The following RPS6KA5 variants were observed in gnomAD, a reference collection of about 807,000 sequenced individuals.
RPS6KA5 encodes ribosomal protein S6 kinase alpha-5.
RPS6KA5 carries 27 observed loss-of-function variants against 85.5 expected under a neutral mutation model. The ratio of observed to expected loss-of-function variants is 0.32; its 90% CI spans 0.23 to 0.44. RPS6KA5 has a LOEUF of 0.44. RPS6KA5 is among the 20% of genes least tolerant of loss of function. The probability of loss-of-function intolerance (pLI) is 1.00; values close to 1 mark genes in which losing one functional copy is unlikely to be tolerated. For synonymous variants in RPS6KA5, 334 were observed against 348.2 expected, an observed-to-expected ratio of 0.96 and a Z score of 0.46; for missense variants, 811 against 980.9, an observed-to-expected ratio of 0.83 and a Z score of 2.31.
In RPS6KA5 at chr14:90,980,179, C is replaced by A. The variant is rs74086814; in HGVS notation, c.176-1655G>T. Among the ~76,000 whole-genome samples the A allele has an allele frequency of 8.0e-3, 1,219 of 152,202 alleles. 10 individuals carry two copies. The highest frequency in any genetic ancestry group is 0.028 in the African/African-American group (1,145 of 41,526). Reference sequence around the variant, plus strand: ...AAAAAAATGTTTATCTATTCAGAAGCAACAAAATGAAGCTAGAAAATATTA... The same window carrying A: ...AAAAAAATGTTTATCTATTCAGAAGAAACAAAATGAAGCTAGAAAATATTA... On this transcript the variant is annotated intron_variant, in intron 2 of 16. Transcript: ENST00000614987.
intron 3 of RPS6KA5, among the ~76,000 whole-genome samples, chr14:90,978,101 G>C (rs2039643909): frequency 6.6e-6 from 1 of 152,042 alleles, no homozygotes; most frequent in Non-Finnish European, 1.5e-5. Context: ...TGGAATAGAA[G>C]GAGGTAAATT....
At chr14:91,021,687 A>G (rs572107117) in intron 1 of RPS6KA5, among the ~76,000 whole-genome samples, 2 of 152,334 alleles carry the variant, frequency 1.3e-5, no homozygotes, top group East Asian at 3.9e-4. Context: ...TGCTGGGATT[A>G]CAGGCATGAG....
chr14:91,026,513 A>G (rs1489993709), intron 1 of RPS6KA5, among the ~76,000 whole-genome samples: 2 of 152,214 alleles, frequency 1.3e-5, no homozygotes, highest in Non-Finnish European at 2.9e-5. Context: ...TACAGGCATG[A>G]GCCACCATGC....
At chr14:90,899,855 C>A (rs2035061513) in intron 11 of RPS6KA5, among the ~76,000 whole-genome samples, 2 of 152,270 alleles carry the variant, frequency 1.3e-5, no homozygotes, top group South Asian at 4.1e-4. Context: ...AAATATGTCA[C>A]TGTCACAAAG....
At chr14:90,874,368 G>A (rs1247526736) in intron 15 of RPS6KA5, among the ~76,000 whole-genome samples, 1 of 152,208 alleles carries the variant, frequency 6.6e-6, no homozygotes, top group African/African-American at 2.4e-5. Flanking sequence ...GATGAATCCT[G>A]TAGGATAAGG....
At chr14:90,980,550 C>CA (rs1264612316) in intron 2 of RPS6KA5, among the ~76,000 whole-genome samples, 1 of 152,188 alleles carries the variant, frequency 6.6e-6, no homozygotes, top group Non-Finnish European at 1.5e-5. Context: ...GATATAAACT[C>CA]ATTCGATTCT....
intron 1 of RPS6KA5, among the ~76,000 whole-genome samples, chr14:91,021,430 C>A (rs2041776693): frequency 6.6e-6 from 1 of 152,046 alleles, no homozygotes; most frequent in Admixed American, 6.6e-5. Flanking sequence ...TGCTTGAGCC[C>A]AGGAGTTCAA....
intron 1 of RPS6KA5, chr14:91,052,284 C>T (rs1205698447): frequency 4.8e-6 from 1 of 206,546 alleles, no homozygotes; most frequent in Non-Finnish European, 8.4e-6. Flanking sequence ...CCCATCTCTA[C>T]TAAAAAAAAA....
intron 5 of RPS6KA5, among the ~76,000 whole-genome samples, chr14:90,933,607 C>G (rs1441090495): frequency 1.3e-5 from 2 of 152,172 alleles, no homozygotes; most frequent in Non-Finnish European, 2.9e-5. Flanking sequence ...CCACACTTGT[C>G]CCACTACAGG....
At chr14:90,934,269 C>T (rs1263950979) in intron 5 of RPS6KA5, among the ~76,000 whole-genome samples, 1 of 152,064 alleles carries the variant, frequency 6.6e-6, no homozygotes, top group Non-Finnish European at 1.5e-5. Flanking sequence ...ATTTTCATAA[C>T]TGAAAATGTG....
chr14:91,011,515 A>T (rs1429171630), intron 1 of RPS6KA5, among the ~76,000 whole-genome samples: 1 of 152,068 alleles, frequency 6.6e-6, no homozygotes, highest in East Asian at 1.9e-4. Context: ...TAAAAAACAG[A>T]ATTCTAAATT....
At chr14:91,001,049 C>T (rs762198493) in intron 2 of RPS6KA5, 39 bp downstream of exon 2, 2 of 1,057,606 alleles carry the variant, frequency 1.9e-6, no homozygotes, top group African/African-American at 1.6e-5. Context: ...ATAATAAGTA[C>T]TTTTTTTTTT....
chr14:90,872,207 G>A lies in RPS6KA5; in HGVS notation c.2276C>T (p.Ser759Phe). 6.2e-7 allele frequency: 1 copy of A among 1,613,932 alleles called. No homozygotes were observed. Among genetic ancestry groups the A allele is most frequent in the Non-Finnish European group, 8.5e-7 (1 of 1,179,998 alleles). ...TSTSTETRSS[S>F]SESSHSSSSH... ...GGAAGAAGAATGGGAACTCTCACTG[G>A]AACTGCTGCGCGTCTCGGTACTGGT... The change falls in exon 17 of 17, where the codon TCC (serine) becomes TTC (phenylalanine). Residue 759 changes from serine to phenylalanine, a missense_variant. Around this residue, in one of 3 missense-constraint regions of RPS6KA5, gnomAD observed 650 missense variants for 793.4 expected, o/e 0.82. Coordinates refer to ENST00000614987, the MANE Select transcript of RPS6KA5 (RefSeq NM_004755.4).
At chr14:91,024,495 C>G (rs1320296267) in intron 1 of RPS6KA5, among the ~76,000 whole-genome samples, 1 of 152,126 alleles carries the variant, frequency 6.6e-6, no homozygotes, top group Non-Finnish European at 1.5e-5. Flanking sequence ...GCATTTATTA[C>G]ACAGCATTCT....
At chr14:91,001,207 A>G (rs545851664) in intron 1 of RPS6KA5, 48 bp from the exon 2 acceptor site, 1 of 1,228,514 alleles carries the variant, frequency 8.1e-7, no homozygotes, top group East Asian at 2.3e-5. Flanking sequence ...CAGCAATAGA[A>G]GGAGGCTCCT....
At chr14:91,043,013 C>T (rs1049405941) in intron 1 of RPS6KA5, among the ~76,000 whole-genome samples, 4 of 152,252 alleles carry the variant, frequency 2.6e-5, no homozygotes, top group Admixed American at 6.5e-5. Flanking sequence ...TGCATTCACT[C>T]CTCAATCCAT....
rs953177532 is a variant in RPS6KA5 at position 90,866,957 on chromosome 14, A to C, written c.*5117T>G. 18 of 152,228 alleles carry C rather than the reference A, an allele frequency of 1.2e-4. No homozygotes were observed. The highest frequency in any genetic ancestry group is 2.2e-4 in the Non-Finnish European group (15 of 68,040). The allele number at this position is 152,228 out of a possible 1,614,324, so 9.4% of individuals were successfully genotyped here. ...ATAGTACCTAAAATAAACTATTAGG[A>C]ATAACTGAATGCCTACCACAGCAAC... On this transcript the variant is annotated 3_prime_UTR_variant, in exon 17 of 17. Coordinates refer to ENST00000614987, the MANE Select transcript of RPS6KA5 (RefSeq NM_004755.4).
intron 3 of RPS6KA5, among the ~76,000 whole-genome samples, chr14:90,977,839 G>A (rs748954503): frequency 1.3e-5 from 2 of 152,212 alleles, no homozygotes; most frequent in Non-Finnish European, 2.9e-5. Context: ...CAGATCACTT[G>A]AGGTCTGGAG....
intron 3 of RPS6KA5, among the ~76,000 whole-genome samples, chr14:90,975,347 A>T (rs2039515303): frequency 6.6e-6 from 1 of 152,228 alleles, no homozygotes; most frequent in Non-Finnish European, 1.5e-5. Context: ...GCTGAACTGT[A>T]TCTTCCCAAA....
Sources: gnomAD v4.1 joint callset for allele counts (sites outside exome capture counted in the v4.1 genomes callset) on GRCh38, gnomAD v4.1.1 for gene constraint, gnomAD v4.1.1 regional missense constraint, MANE v1.5 for transcripts, NCBI Gene and HGNC (gene_info 2026-07-23, HGNC 2026-07-21) for gene names.